The following WWOX variants were observed in gnomAD, a reference collection of about 807,000 sequenced individuals.
The protein encoded by WWOX is WW domain-containing oxidoreductase.
In WWOX, 69 loss-of-function variants were observed where a neutral mutation model predicts 46.2. That is an observed-to-expected ratio of 1.49 (90% CI 1.23 to 1.82). The LOEUF (loss-of-function observed/expected upper bound fraction) is 1.82. Ranked by LOEUF, WWOX falls within the 40% of genes most tolerant of loss-of-function variation. WWOX has a pLI of 0.00. For synonymous variants in WWOX, 359 were observed against 202.6 expected, an observed-to-expected ratio of 1.77 and a Z score of -6.56; for missense variants, 919 against 542.6, an observed-to-expected ratio of 1.69 and a Z score of -6.89.
At chr16:79,203,740 C>G (rs187656528) in intron 8 of WWOX, 18 of 152,272 alleles carry the variant, frequency 1.2e-4, no homozygotes, top group Admixed American at 1.2e-3. Context: ...TTTGTTTTAC[C>G]TGTAGTATGA....
chr16:78,108,341 A>T, intron 1 of WWOX, 82 bp from the exon 2 acceptor site: 1 of 1,407,910 alleles, frequency 7.1e-7, no homozygotes, highest in Non-Finnish European at 9.8e-7. Flanking sequence ...GCTATCTGGG[A>T]GAGAAAAAAT....
At chr16:78,662,872 T>C (rs112880007) in intron 8 of WWOX, among the ~76,000 whole-genome samples, 10 of 152,146 alleles carry the variant, frequency 6.6e-5, no homozygotes, top group African/African-American at 9.7e-5. Context: ...AAAAGGCAGC[T>C]TGTAACGTGG....
intron 8 of WWOX, among the ~76,000 whole-genome samples, chr16:79,068,701 C>G (rs1015049326): frequency 2.6e-5 from 4 of 151,810 alleles, no homozygotes; most frequent in Non-Finnish European, 5.9e-5. Flanking sequence ...CTCCCAGCCA[C>G]TCAGGAGGCT....
chr16:78,816,449 C>T (rs1464311356), intron 8 of WWOX, among the ~76,000 whole-genome samples: 1 of 144,264 alleles, frequency 6.9e-6, no homozygotes, highest in Non-Finnish European at 1.5e-5. Context: ...TTTAAAAGAG[C>T]TTACTCAAAA....
At chr16:78,771,464 T>A (rs1376294623) in intron 8 of WWOX, among the ~76,000 whole-genome samples, 1 of 152,166 alleles carries the variant, frequency 6.6e-6, no homozygotes, top group Admixed American at 6.5e-5. Context: ...TGCCACGGAA[T>A]TGTATCCTTA....
At position 78,817,172 on chromosome 16, in the gene WWOX, C is replaced by CTTTTTTTTTTTTTTTTTTT. The variant is rs33981779; in HGVS notation, c.1056+384429_1056+384447dup. 2.1e-4 allele frequency among the ~76,000 whole-genome samples: 11 copies of CTTTTTTTTTTTTTTTTTTT among 51,582 alleles called. 2 individuals are homozygous for CTTTTTTTTTTTTTTTTTTT. Among genetic ancestry groups the CTTTTTTTTTTTTTTTTTTT allele is most frequent in the South Asian group, 2.1e-3 (2 of 952 alleles). 33.8% of individuals were successfully genotyped at this position (51,582 alleles called of 152,430 possible). On this transcript the variant is annotated intron_variant, in intron 8 of 8. Coordinates refer to ENST00000566780, the MANE Select transcript of WWOX (RefSeq NM_016373.4). Reference sequence around the variant, plus strand: ...GTTTTTCTTAAACATTAGTGCTATTCTTTTTTTTTTTTTTTTTTTTTTTTT... The same window carrying CTTTTTTTTTTTTTTTTTTT: ...GTTTTTCTTAAACATTAGTGCTATTCTTTTTTTTTTTTTTTTTTTTTTTTTTTTTTTTTTTTTTTTTTTT...
chr16:78,537,794 A>G (rs1315098912), intron 8 of WWOX, among the ~76,000 whole-genome samples: 2 of 151,932 alleles, frequency 1.3e-5, no homozygotes, highest in Admixed American at 1.3e-4. Flanking sequence ...AAAGGGAGGT[A>G]ATCAGGGGTG....
At chr16:78,811,873 G>A (rs1009347696) in intron 8 of WWOX, among the ~76,000 whole-genome samples, 1 of 152,188 alleles carries the variant, frequency 6.6e-6, no homozygotes, top group Admixed American at 6.5e-5. Flanking sequence ...AGCTTGGTAA[G>A]CCTCTCTCTT....
chr16:78,513,373 A>G (rs1195318988), intron 8 of WWOX, among the ~76,000 whole-genome samples: 2 of 152,322 alleles, frequency 1.3e-5, no homozygotes, highest in Non-Finnish European at 2.9e-5. Flanking sequence ...GTAGGAAATA[A>G]TGATTGAGAT....
At chr16:78,382,158 TGA>T (rs2081968411) in intron 5 of WWOX, among the ~76,000 whole-genome samples, 1 of 152,238 alleles carries the variant, frequency 6.6e-6, no homozygotes, top group Non-Finnish European at 1.5e-5. Flanking sequence ...AGTCATGGAC[TGA>T]GTTAGTTGTT....
intron 8 of WWOX, among the ~76,000 whole-genome samples, chr16:78,527,902 C>T (rs147992531): frequency 2.1e-4 from 32 of 151,494 alleles, no homozygotes; most frequent in African/African-American, 7.0e-4. Flanking sequence ...ACCATGCCCA[C>T]CACAAAATAT....
chr16:78,650,860 G>C (rs935433909), intron 8 of WWOX, among the ~76,000 whole-genome samples: 1 of 152,126 alleles, frequency 6.6e-6, no homozygotes, highest in East Asian at 1.9e-4. Flanking sequence ...AGAATATTTC[G>C]GATTTATATT....
At chr16:78,454,452 C>A (rs2083767294) in intron 8 of WWOX, among the ~76,000 whole-genome samples, 1 of 150,946 alleles carries the variant, frequency 6.6e-6, no homozygotes, top group Non-Finnish European at 1.5e-5. Context: ...TGAGCAGTGT[C>A]CTGCTGTTTT....
intron 8 of WWOX, among the ~76,000 whole-genome samples, chr16:78,794,250 A>G (rs1392506456): frequency 6.6e-6 from 1 of 152,190 alleles, no homozygotes; most frequent in Non-Finnish European, 1.5e-5. Context: ...CTGGCCAGAC[A>G]TTGAATTTGC....
intron 8 of WWOX, among the ~76,000 whole-genome samples, chr16:78,876,282 A>G (rs1029079025): frequency 1.0e-4 from 15 of 150,636 alleles, no homozygotes; most frequent in Admixed American, 8.6e-4. Context: ...TATTGTACCC[A>G]TTGTACTTTA....
chr16:79,076,617 C>A (rs995209855), intron 8 of WWOX, among the ~76,000 whole-genome samples: 1 of 152,156 alleles, frequency 6.6e-6, no homozygotes, highest in Non-Finnish European at 1.5e-5. Flanking sequence ...CACAGTGATT[C>A]TATCTGTACC....
chr16:78,164,829 T>C (rs76150242), intron 5 of WWOX, among the ~76,000 whole-genome samples: 1,800 of 152,290 alleles, frequency 0.012, 30 homozygotes, highest in African/African-American at 0.026. Context: ...TCAAGTTTAA[T>C]ATTTGCCATA....
intron 8 of WWOX, among the ~76,000 whole-genome samples, chr16:78,564,129 C>T (rs1226067553): frequency 6.6e-6 from 1 of 152,232 alleles, no homozygotes; most frequent in East Asian, 1.9e-4. Context: ...CAGCAGACAC[C>T]TGCCCAGCTG....
intron 5 of WWOX, among the ~76,000 whole-genome samples, chr16:78,308,367 T>C (rs1480230797): frequency 6.6e-6 from 1 of 152,202 alleles, no homozygotes; most frequent in Non-Finnish European, 1.5e-5. Context: ...AAGAGGGGGT[T>C]GGATATGACT....
Sources: gnomAD v4.1 joint callset for allele counts (sites outside exome capture counted in the v4.1 genomes callset) on GRCh38, gnomAD v4.1.1 for gene constraint, MANE v1.5 for transcripts, NCBI Gene and HGNC (gene_info 2026-07-23, HGNC 2026-07-21) for gene names.